The following CDC20 variants were observed in gnomAD, a reference collection of about 807,000 sequenced individuals.
CDC20 encodes the protein cell division cycle 20.
In CDC20, 34 loss-of-function variants were observed where a neutral mutation model predicts 60.0. The observed-to-expected ratio is 0.57, with a 90% CI of 0.43 to 0.75. The LOEUF (loss-of-function observed/expected upper bound fraction) is 0.75, where lower values mean the gene tolerates loss of function less well. CDC20 is among the 30% of genes least tolerant of loss of function. CDC20 has a pLI of 0.00. For missense variants in CDC20, 469 were observed against 647.3 expected, an observed-to-expected ratio of 0.72 and a Z score of 2.99; for synonymous variants, 198 against 243.5, an observed-to-expected ratio of 0.81 and a Z score of 1.74.
chr1:43,360,409 G>T lies in CDC20; in HGVS notation c.753+20G>T. ...GTGCAGGTGAGACGTGTCCAGTGCT[G>T]TCATTCTCACCAGTCCCAATGGGCT... On this transcript the variant is annotated intron_variant, in intron 6 of 10. Coordinates refer to ENST00000310955, the MANE Select transcript of CDC20 (RefSeq NM_001255.3). The T allele has an allele frequency of 6.2e-7, 1 of 1,613,026 alleles. No homozygotes were observed. Among genetic ancestry groups the T allele is most frequent in the Non-Finnish European group, 8.5e-7 (1 of 1,178,954 alleles).
In CDC20 at chr1:43,363,114, C is replaced by T. The variant is rs889274168; in HGVS notation, c.1485C>T (p.His495=). The part of the protein sequence containing the change: ...KASAAKSSLI[H]QGIR ...GTGCAGCCAAAAGCAGCCTCATCCA[C>T]CAAGGCATCCGCTGAAGACCAACCC... The change falls in exon 11 of 11, where the codon CAC becomes CAT. Residue 495 remains histidine, a synonymous_variant. Transcript: ENST00000310955. 4.3e-6 allele frequency: 7 copies of T among 1,612,742 alleles called. No individual in the cohort carries two copies. The highest frequency in any genetic ancestry group is 5.9e-6 in the Non-Finnish European group (7 of 1,179,560).
chr1:43,361,057 T>C (rs1022835451), intron 8 of CDC20, 63 bp from the exon 9 acceptor site: 2 of 1,609,858 alleles, frequency 1.2e-6, no homozygotes. Context: ...TGGGTTAATC[T>C]GTGACCCCTA....
In CDC20 at chr1:43,360,748, C is replaced by T; in HGVS notation, c.864C>T (p.Gly288=). 6.2e-7 allele frequency: 1 copy of T among 1,613,464 alleles called. No individual in the cohort carries two copies. Among genetic ancestry groups the T allele is most frequent in the Non-Finnish European group, 8.5e-7 (1 of 1,179,494 alleles). The part of the protein sequence containing the change: ...SYILSSGSRS[G]HIHHHDVRVA... ...CCTCCTCCAGTGGTTCACGTTCTGG[C>T]CACATCCACCACCATGATGTTCGGG... Residue 288 remains glycine, a synonymous_variant, in exon 8 of 11, where the codon GGC becomes GGT. Coordinates refer to ENST00000310955, the MANE Select transcript of CDC20 (RefSeq NM_001255.3).
In CDC20 at chr1:43,363,075, G is replaced by A. The variant is rs768604574; in HGVS notation, c.1446G>A (p.Glu482=). ...CFELDPARRR[E]REKASAAKSS... ...AGTTGGACCCTGCGCGGCGGCGGGAGCGGGAGAAGGCCAGTGCAGCCAAAA... is the reference window on the plus strand; with the variant it reads ...AGTTGGACCCTGCGCGGCGGCGGGAACGGGAGAAGGCCAGTGCAGCCAAAA... The change falls in exon 11 of 11, where the codon GAG becomes GAA. Residue 482 remains glutamate (E), a synonymous_variant. Transcript: ENST00000310955. 12 of 1,613,500 alleles carry A rather than the reference G, an allele frequency of 7.4e-6. No homozygotes were observed. Among genetic ancestry groups the A allele is most frequent in the African/African-American group, 2.7e-5 (2 of 74,882 alleles).
At chr1:43,361,029 G>A (rs780975492) in intron 8 of CDC20, 68 bp downstream of exon 8, 432 of 1,599,132 alleles carry the variant, frequency 2.7e-4, no homozygotes, top group Non-Finnish European at 3.1e-4. Context: ...AAGGGGAGAA[G>A]GGATGGTAGG....
intron 6 of CDC20, 31 bp from the exon 7 acceptor site, chr1:43,360,468 A>C (rs776035569): frequency 1.2e-6 from 2 of 1,610,304 alleles, no homozygotes; most frequent in African/African-American, 2.7e-5. Flanking sequence ...CCAAGTCCCA[A>C]TCTCTGATCC....
rs1210995417 is a variant in CDC20, at chr1:43,359,983, C to T, written c.442C>T (p.Leu148=). ...QNAPEGYQNR[L]KVLYSQKATP... ...CGTTGCCACAGGTTATCAGAACAGA[C>T]TGAAAGTACTCTACAGCCAAAAGGC... Residue 148 remains leucine (L), a synonymous_variant, in exon 5 of 11, where the codon CTG becomes TTG. Coordinates refer to ENST00000310955, the MANE Select transcript of CDC20 (RefSeq NM_001255.3). 6.2e-7 allele frequency: 1 copy of T among 1,614,204 alleles called. No individual in the cohort carries two copies. The highest frequency in any genetic ancestry group is 8.5e-7 in the Non-Finnish European group (1 of 1,180,030).
chr1:43,361,997 G>A (rs1483387227), intron 9 of CDC20, among the ~76,000 whole-genome samples, 198 bp from the exon 10 acceptor site: 1 of 152,210 alleles, frequency 6.6e-6, no homozygotes, highest in Non-Finnish European at 1.5e-5. Flanking sequence ...TTAAGTCCCA[G>A]TAAACCCACT....
At chr1:43,361,385 C>A in intron 9 of CDC20, 140 bp downstream of exon 9, 3 of 822,096 alleles carry the variant, frequency 3.6e-6, no homozygotes, top group Non-Finnish European at 5.6e-6. Flanking sequence ...TCATTTCCAA[C>A]AGTCTGTGGC....
At chr1:43,359,068 G>C in intron 1 of CDC20, 62 bp downstream of exon 1, 1 of 777,328 alleles carries the variant, frequency 1.3e-6, no homozygotes, top group Non-Finnish European at 2.1e-6. Context: ...GTGCTAGGCC[G>C]GAAGGGGCTG....
intron 9 of CDC20, 92 bp downstream of exon 9, chr1:43,361,337 G>A: frequency 1.6e-6 from 2 of 1,290,042 alleles, no homozygotes; most frequent in Non-Finnish European, 1.1e-6. Context: ...ATGCCCTGGT[G>A]ATTCCCAAAC....
intron 7 of CDC20, 48 bp downstream of exon 7, chr1:43,360,641 C>G (rs710251): frequency 6.4e-7 from 1 of 1,565,616 alleles, no homozygotes; most frequent in Non-Finnish European, 8.8e-7. Context: ...TGCCCACCCT[C>G]CCCTTGACTG....
At chr1:43,360,135 A>T (rs374602452) in intron 5 of CDC20, 38 bp downstream of exon 5, 7 of 1,614,048 alleles carry the variant, frequency 4.3e-6, no homozygotes, top group Non-Finnish European at 5.9e-6. Context: ...GCATGGAGAA[A>T]GAGGGCCTGG....
chr1:43,359,111 C>G, intron 1 of CDC20, 56 bp from the exon 2 acceptor site: 2 of 1,224,400 alleles, frequency 1.6e-6, no homozygotes, highest in Non-Finnish European at 1.2e-6. Flanking sequence ...TGTGGCCGGC[C>G]AGGAGCGAAG....
In CDC20 at chr1:43,359,707, C is replaced by T; in HGVS notation, c.331-18C>T. The T allele has an allele frequency of 6.2e-7, 1 of 1,613,754 alleles. No homozygotes were observed. Among genetic ancestry groups the T allele is most frequent in the Non-Finnish European group, 8.5e-7 (1 of 1,179,908 alleles). ...TTTGGATAATACCATCTTGCTCCTT[C>T]ACTACCCTTTATGCCAGGAACATCA... On this transcript the variant is annotated intron_variant, in intron 3 of 10. Transcript: ENST00000310955.
chr1:43,361,058 G>A (rs1647170638), intron 8 of CDC20, 62 bp from the exon 9 acceptor site: 1 of 1,610,030 alleles, frequency 6.2e-7, no homozygotes, highest in South Asian at 1.1e-5. Flanking sequence ...GGGTTAATCT[G>A]TGACCCCTAG....
In CDC20 at chr1:43,360,019, T is replaced by A; in HGVS notation, c.478T>A (p.Ser160Thr). 6.2e-7 allele frequency: 1 copy of A among 1,614,164 alleles called. No individual in the cohort carries two copies. Among genetic ancestry groups the A allele is most frequent in the Non-Finnish European group, 8.5e-7 (1 of 1,180,030 alleles). The change falls in exon 5 of 11, where the codon TCC (serine) becomes ACC (threonine). Residue 160 changes from serine to threonine, a missense_variant. Ser to Thr is a moderately conservative substitution (Grantham distance 58, BLOSUM62 1). Around this residue, in one of 5 missense-constraint regions of CDC20, gnomAD observed 255 missense variants for 326.7 expected, o/e 0.78. Transcript: ENST00000310955. ...CTACAGCCAAAAGGCCACTCCTGGCTCCAGCCGGAAGACCTGCCGTTACAT... is the reference window on the plus strand; with the variant it reads ...CTACAGCCAAAAGGCCACTCCTGGCACCAGCCGGAAGACCTGCCGTTACAT... ...VLYSQKATPG[S>T]SRKTCRYIPS...
chr1:43,362,120 A>G (rs1429811036), intron 9 of CDC20, 75 bp from the exon 10 acceptor site: 2 of 837,448 alleles, frequency 2.4e-6, no homozygotes, highest in East Asian at 2.4e-5. Flanking sequence ...CAGGGTGCCT[A>G]ACACTAGAAT....
At chr1:43,362,130 TG>T in intron 9 of CDC20, 64 bp from the exon 10 acceptor site, 1 of 907,538 alleles carries the variant, frequency 1.1e-6, no homozygotes, top group Non-Finnish European at 1.8e-6. Flanking sequence ...AACACTAGAA[TG>T]GGCTCAGTTC....
Sources: gnomAD v4.1 joint callset for allele counts (sites outside exome capture counted in the v4.1 genomes callset) on GRCh38, gnomAD v4.1.1 for gene constraint, gnomAD v4.1.1 regional missense constraint, MANE v1.5 for transcripts, NCBI Gene and HGNC (gene_info 2026-07-23, HGNC 2026-07-21) for gene names.